The following SLC66A3 variants were observed in gnomAD, a reference collection of about 807,000 sequenced individuals.
SLC66A3 encodes solute carrier family 66 member 3.
A neutral mutation model predicts 25.5 loss-of-function variants in SLC66A3; 23 were observed. That is an observed-to-expected ratio of 0.90 (90% CI 0.65 to 1.28). The LOEUF is 1.28. Among genes scored for constraint, SLC66A3 ranks in the 50% most tolerant of loss-of-function variants. The probability of loss-of-function intolerance (pLI) is 0.00; values close to 1 mark genes in which losing one functional copy is unlikely to be tolerated. For synonymous variants in SLC66A3, 108 were observed against 112.6 expected, an observed-to-expected ratio of 0.96 and a Z score of 0.26; for missense variants, 246 against 262.1, an observed-to-expected ratio of 0.94 and a Z score of 0.42.
At chr2:11,167,671 C>A (rs1218699845) in intron 4 of SLC66A3, among the ~76,000 whole-genome samples, 1 of 152,162 alleles carries the variant, frequency 6.6e-6, no homozygotes, top group Non-Finnish European at 1.5e-5. Flanking sequence ...ATGAGTGTTC[C>A]TCACGCACCT....
At chr2:11,167,103 A>G (rs1271472916) in intron 4 of SLC66A3, among the ~76,000 whole-genome samples, 1 of 152,196 alleles carries the variant, frequency 6.6e-6, no homozygotes, top group Non-Finnish European at 1.5e-5. Flanking sequence ...AGCAGCTGTG[A>G]GCCTTCACCC....
Position 11,160,652 on chromosome 2 carries a change from A to C in SLC66A3, c.254A>C (p.His85Pro). 1 of 1,613,884 alleles carries C rather than the reference A, an allele frequency of 6.2e-7. No individual in the cohort carries two copies. Among genetic ancestry groups the C allele is most frequent in the Non-Finnish European group, 8.5e-7 (1 of 1,179,986 alleles). The change falls in exon 3 of 7, where the codon CAT becomes CCT. Residue 85 changes from histidine to proline, a missense_variant. Coordinates refer to ENST00000295083, the MANE Select transcript of SLC66A3 (RefSeq NM_152391.5). ...GTCATCCTCCTGCTCTGTATCTTTC[A>C]TTTTAACGGGAACGTGAAGCAGGCC... ...QDVILLLCIF[H>P]FNGNVKQATP...
intron 3 of SLC66A3, among the ~76,000 whole-genome samples, chr2:11,162,199 G>A (rs1034041123): frequency 7.2e-5 from 11 of 152,226 alleles, no homozygotes; most frequent in Admixed American, 7.2e-4. Flanking sequence ...TGCAGCCTGT[G>A]TCTATGGAGG....
At chr2:11,172,660 C>T (rs1662595598) in intron 5 of SLC66A3, 20 of 337,960 alleles carry the variant, frequency 5.9e-5, no homozygotes, top group South Asian at 4.7e-4. Flanking sequence ...GCTAATGTCT[C>T]CATCCATGGT....
Position 11,155,605 on chromosome 2 carries a change from T to C in SLC66A3, c.59T>C (p.Leu20Pro). The C allele has an allele frequency of 6.6e-7, 1 of 1,523,594 alleles. No individual in the cohort carries two copies. The highest frequency in any genetic ancestry group is 8.7e-7 in the Non-Finnish European group (1 of 1,146,012). The allele number at this position is 1,523,594 out of a possible 1,614,324, so 94.4% of individuals were successfully genotyped here. A position where few individuals can be genotyped will look rare whatever the true frequency, so the allele number is the denominator to read the frequency against. Residue 20 changes from leucine (L) to proline (P), a missense_variant, in exon 1 of 7, where the codon CTG becomes CCG. This residue lies in a region of SLC66A3 where 142 missense variants were observed against 130.3 expected (regional missense o/e 1.09). Transcript: ENST00000295083. The stretch of plus-strand genomic sequence containing the variant: ...AGCACGCTGGGCGTGTGCGCCGCGC[T>C]GAAGCTGCCGCAGATCTCCGCTGTG... ...NWSTLGVCAA[L>P]KLPQISAVLA... is the part of the protein sequence containing the mutation.
intron 3 of SLC66A3, 31 bp from the exon 4 acceptor site, chr2:11,164,172 AC>A: frequency 6.9e-7 from 1 of 1,440,478 alleles, no homozygotes; most frequent in Non-Finnish European, 9.6e-7. Context: ...GATGTGGGTG[AC>A]CCACTGCTGT....
At position 11,177,901 on chromosome 2, in the gene SLC66A3, T is replaced by A; in HGVS notation, c.*73T>A. ...AGGAAAAAGAAGCTCTTTGCTAAAT[T>A]AAGGTCTTTTATAAATTTAGTAAAT... On this transcript the variant is annotated 3_prime_UTR_variant, in exon 7 of 7. Transcript: ENST00000295083. 2.2e-6 allele frequency: 2 copies of A among 908,074 alleles called. No homozygotes were observed. Among genetic ancestry groups the A allele is most frequent in the Non-Finnish European group, 3.5e-6 (2 of 577,558 alleles). The allele number at this position is 908,074 out of a possible 1,614,324, so 56.3% of individuals were successfully genotyped here. A position where few individuals can be genotyped will look rare whatever the true frequency, so the allele number is the denominator to read the frequency against.
rs1198551608 is a variant in SLC66A3, at chr2:11,155,469, G to A, written c.-78G>A. On this transcript the variant is annotated 5_prime_UTR_variant, in exon 1 of 7. Coordinates refer to ENST00000295083, the MANE Select transcript of SLC66A3 (RefSeq NM_152391.5). ...CGGGCGGATCCCGGGAAGGCGGAAG[G>A]CTTCGGCAGAGCTGCGCCGCCGAGG... 4 of 1,361,726 alleles carry A rather than the reference G, an allele frequency of 2.9e-6. No homozygotes were observed. The highest frequency in any genetic ancestry group is 3.8e-6 in the Non-Finnish European group (4 of 1,058,166). The allele number at this position is 1,361,726 out of a possible 1,614,324, so 84.4% of individuals were successfully genotyped here.
In SLC66A3 at chr2:11,155,505, C is replaced by A; in HGVS notation, c.-42C>A. On this transcript the variant is annotated 5_prime_UTR_variant, in exon 1 of 7. Transcript: ENST00000295083. ...GCTGCGCCGCCGAGGCTGAGCGGTC[C>A]CTTCTCGCTGCGGCCGCCCAGGTGC... The A allele has an allele frequency of 6.8e-7, 1 of 1,469,082 alleles. No individual in the cohort carries two copies. The highest frequency in any genetic ancestry group is 8.9e-7 in the Non-Finnish European group (1 of 1,119,104). 91.0% of individuals were successfully genotyped at this position (1,469,082 alleles called of 1,614,324 possible). A position where few individuals can be genotyped will look rare whatever the true frequency, so the allele number is the denominator to read the frequency against.
rs182797269 is a variant in SLC66A3 at position 11,175,042 on chromosome 2, G to A, written c.517+33G>A. 1.0e-4 allele frequency: 161 copies of A among 1,536,604 alleles called. No individual in the cohort carries two copies. The East Asian group carries it at 3.2e-3, about 31-fold the overall frequency. On this transcript the variant is annotated intron_variant, in intron 6 of 6. Coordinates refer to ENST00000295083, the MANE Select transcript of SLC66A3 (RefSeq NM_152391.5). ...AAATATCTTCTCACTTCCTTTTTGA[G>A]TTTTGTGCTATTTGTGTCTCCTTCA...
chr2:11,164,623 A>G (rs1572182856), intron 4 of SLC66A3, among the ~76,000 whole-genome samples: 1 of 150,358 alleles, frequency 6.7e-6, no homozygotes, highest in Non-Finnish European at 1.5e-5. Context: ...TAGTGGAGGG[A>G]AGGTCAGCAG....
At chr2:11,165,046 G>A (rs567280913) in intron 4 of SLC66A3, among the ~76,000 whole-genome samples, 10 of 152,296 alleles carry the variant, frequency 6.6e-5, no homozygotes, top group African/African-American at 2.2e-4. Context: ...TGAGCTGTTG[G>A]GTACACCTCC....
chr2:11,161,628 C>A (rs1662134068), intron 3 of SLC66A3, among the ~76,000 whole-genome samples: 1 of 152,138 alleles, frequency 6.6e-6, no homozygotes, highest in African/African-American at 2.4e-5. Context: ...AAGGAATCTT[C>A]CCGCCTCAGC....
rs1338320702 is a variant in SLC66A3 at position 11,178,491 on chromosome 2, C to T, written c.*663C>T. ...TAGGATTAGCTGCAATCTCTACTTT[C>T]GATGAGGAAATCCCAGTAAGCTTTC... On this transcript the variant is annotated 3_prime_UTR_variant, in exon 7 of 7. Transcript: ENST00000295083. 1.3e-5 allele frequency: 2 copies of T among 152,590 alleles called. No homozygotes were observed. The highest frequency in any genetic ancestry group is 2.4e-5 in the African/African-American group (1 of 41,430). 9.5% of individuals were successfully genotyped at this position (152,590 alleles called of 1,614,324 possible).
At chr2:11,160,821 AT>A (rs370048279) in intron 3 of SLC66A3, 127 bp downstream of exon 3, 19,169 of 595,126 alleles carry the variant, frequency 0.032, 371 homozygotes, top group East Asian at 0.11. Flanking sequence ...AAAAAAAAAA[AT>A]CCCAAATGCA....
At chr2:11,165,884 C>T (rs1195584845) in intron 4 of SLC66A3, among the ~76,000 whole-genome samples, 1 of 152,168 alleles carries the variant, frequency 6.6e-6, no homozygotes, top group Non-Finnish European at 1.5e-5. Context: ...GGCGTGGCGG[C>T]GCACGCCTGC....
intron 1 of SLC66A3, among the ~76,000 whole-genome samples, chr2:11,158,914 G>A (rs763283035): frequency 9.2e-5 from 14 of 152,248 alleles, no homozygotes; most frequent in Non-Finnish European, 2.1e-4. Flanking sequence ...CCCAGGGAAA[G>A]CAGGGAGTAG....
At chr2:11,156,154 T>G (rs1661892173) in intron 1 of SLC66A3, among the ~76,000 whole-genome samples, 1 of 152,108 alleles carries the variant, frequency 6.6e-6, no homozygotes, top group African/African-American at 2.4e-5. Context: ...TCCCGGTGAT[T>G]GGTGGGGAAT....
rs776780897 is a variant in SLC66A3 at position 11,171,986 on chromosome 2, C to G, written c.416C>G (p.Thr139Arg). The G allele has an allele frequency of 1.2e-6, 2 of 1,613,838 alleles. No individual in the cohort carries two copies. The highest frequency in any genetic ancestry group is 1.7e-6 in the Non-Finnish European group (2 of 1,179,856). ...GCACAGCTCCAGTGTCTGTGGAAGA[C>G]GAGAGACTCAGGAACTGTGAGTGCG... ...KFAQLQCLWK[T>R]RDSGTVSALT... Residue 139 changes from threonine (T) to arginine (R), a missense_variant, in exon 5 of 7, where the codon ACG becomes AGG. By Grantham distance (71) the Thr-to-Arg change is moderately conservative. Around this residue, in one of 3 missense-constraint regions of SLC66A3, gnomAD observed 93 missense variants for 102.6 expected, o/e 0.91. Coordinates refer to ENST00000295083, the MANE Select transcript of SLC66A3 (RefSeq NM_152391.5).
Sources: gnomAD v4.1 joint callset for allele counts (sites outside exome capture counted in the v4.1 genomes callset) on GRCh38, gnomAD v4.1.1 for gene constraint, gnomAD v4.1.1 regional missense constraint, MANE v1.5 for transcripts, NCBI Gene and HGNC (gene_info 2026-07-23, HGNC 2026-07-21) for gene names.